Variants in HSPA5 observed in about 807,000 individuals in gnomAD.
The protein encoded by HSPA5 is endoplasmic reticulum chaperone BiP.
Under a neutral mutation model 49.5 loss-of-function variants are expected in HSPA5, and 16 were observed. The observed-to-expected ratio is 0.32, with a 90% CI of 0.22 to 0.49. HSPA5 has a LOEUF of 0.49. HSPA5 is among the 20% of genes least tolerant of loss of function. HSPA5 has a pLI of 0.99. For synonymous variants in HSPA5, 271 were observed against 307.2 expected, an observed-to-expected ratio of 0.88 and a Z score of 1.23; for missense variants, 376 against 819.0, an observed-to-expected ratio of 0.46 and a Z score of 6.60.
At position 125,241,109 on chromosome 9, in the gene HSPA5, C is replaced by T; in HGVS notation, c.18G>A (p.Val6=). 2.5e-6 allele frequency: 4 copies of T among 1,612,542 alleles called. No individual in the cohort carries two copies. The highest frequency in any genetic ancestry group is 3.4e-6 in the Non-Finnish European group (4 of 1,179,508). ...CGCTGAGCAGCAGCAGCATCGCGGC[C>T]ACCAGGGAGAGCTTCATCTTGCCAG... is the stretch of plus-strand genomic sequence containing the variant. The part of the protein sequence containing the change: MKLSL[V]AAMLLLLSAA... The change falls in exon 1 of 8, where the codon GTG becomes GTA. Residue 6 remains valine, a synonymous_variant. Coordinates refer to ENST00000324460, the MANE Select transcript of HSPA5 (RefSeq NM_005347.5).
At chr9:125,237,338 T>A (rs1008414056) in intron 7 of HSPA5, among the ~76,000 whole-genome samples, 184 bp from the exon 8 acceptor site, 2 of 152,356 alleles carry the variant, frequency 1.3e-5, no homozygotes, top group Middle Eastern at 3.4e-3. Context: ...CTAACTCAAC[T>A]GAATTTTATC....
rs1832551151 is a variant in HSPA5, at chr9:125,240,552, G to A, written c.354+124C>T. On this transcript the variant is annotated intron_variant, in intron 2 of 7. Transcript: ENST00000324460. The surrounding 1 kb of genome is among the most constrained non-coding windows in gnomAD (Gnocchi z 4.4). The stretch of plus-strand genomic sequence containing the variant: ...TTTGTAACATACTAATAGTATTAAA[G>A]TTATTACATACATCATGTCTATAAC... 8.7e-6 allele frequency: 7 copies of A among 801,872 alleles called. No homozygotes were observed. In the South Asian group the frequency reaches 1.0e-4, roughly 12 times the overall value. The allele number at this position is 801,872 out of a possible 1,614,324, so 49.7% of individuals were successfully genotyped here.
Position 125,239,284 on chromosome 9 carries a change from T to C in HSPA5, c.653A>G (p.Lys218Arg). 4.3e-6 allele frequency: 7 copies of C among 1,613,986 alleles called. No individual in the cohort carries two copies. The highest frequency in any genetic ancestry group is 5.9e-6 in the Non-Finnish European group (7 of 1,179,880). ...AYGLDKREGE[K>R]NILVFDLGGG... Reference sequence around the variant, plus strand: ...ACCCAGGTCAAACACCAGGATGTTCTTCTCCCCCTCCCTCTTATCCAGGCC... The same window carrying C: ...ACCCAGGTCAAACACCAGGATGTTCCTCTCCCCCTCCCTCTTATCCAGGCC... Residue 218 changes from lysine to arginine, a missense_variant, in exon 5 of 8, where the codon AAG becomes AGG. This residue lies in a region of HSPA5 where 89 missense variants were observed against 200.0 expected (regional missense o/e 0.44). Coordinates refer to ENST00000324460, the MANE Select transcript of HSPA5 (RefSeq NM_005347.5). This position sits in a 1 kb window ranked among gnomAD's most constrained non-coding sequence, Gnocchi z 5.5.
At position 125,235,555 on chromosome 9, in the gene HSPA5, A is replaced by G. The variant is rs539887938; in HGVS notation, c.*1037T>C. The G allele has an allele frequency of 6.6e-6, 1 of 152,132 alleles. No homozygotes were observed. The highest frequency in any genetic ancestry group is 1.9e-4 in the East Asian group (1 of 5,182). The allele number at this position is 152,132 out of a possible 1,614,324, so 9.4% of individuals were successfully genotyped here. On this transcript the variant is annotated 3_prime_UTR_variant, in exon 8 of 8. Transcript: ENST00000324460. ...CTGGACTCTTTTCTTCAGGAACACAATCTAAGTAATCCTAAACCAGTTTTG... is the reference window on the plus strand; with the variant it reads ...CTGGACTCTTTTCTTCAGGAACACAGTCTAAGTAATCCTAAACCAGTTTTG...
At position 125,241,283 on chromosome 9, in the gene HSPA5, C is replaced by G; in HGVS notation, c.-157G>C. Reference sequence around the variant, plus strand: ...CTAGAAATACAGGCCGCGGCGCTTCCCTCTCACACTCGCGAAACACCCCAA... The same window carrying G: ...CTAGAAATACAGGCCGCGGCGCTTCGCTCTCACACTCGCGAAACACCCCAA... On this transcript the variant is annotated 5_prime_UTR_variant, in exon 1 of 8. Transcript: ENST00000324460. The G allele has an allele frequency of 5.0e-6, 4 of 800,152 alleles. No homozygotes were observed. Among genetic ancestry groups the G allele is most frequent in the Non-Finnish European group, 7.8e-6 (4 of 512,758 alleles). 49.6% of individuals were successfully genotyped at this position (800,152 alleles called of 1,614,324 possible).
intron 7 of HSPA5, 58 bp downstream of exon 7, chr9:125,238,083 C>A: frequency 7.1e-7 from 1 of 1,406,182 alleles, no homozygotes; most frequent in South Asian, 1.2e-5. Flanking sequence ...GCCTGGGCAA[C>A]AGAGCAAGAC....
intron 7 of HSPA5, 105 bp from the exon 8 acceptor site, chr9:125,237,259 A>C: frequency 1.2e-6 from 1 of 819,590 alleles, no homozygotes; most frequent in Non-Finnish European, 1.9e-6. Flanking sequence ...TTTTGGTTTT[A>C]TCGAGCTAAA....
chr9:125,241,078 G>A lies in HSPA5; in HGVS notation c.49C>T (p.Arg17Trp). 6.2e-7 allele frequency: 1 copy of A among 1,613,528 alleles called. No individual in the cohort carries two copies. Residue 17 changes from arginine to tryptophan, a missense_variant, in exon 1 of 8, where the codon CGG becomes TGG. Arg to Trp is a moderately radical substitution (Grantham distance 101, BLOSUM62 -3). This residue lies in a region of HSPA5 where 29 missense variants were observed against 38.7 expected (regional missense o/e 0.75). Coordinates refer to ENST00000324460, the MANE Select transcript of HSPA5 (RefSeq NM_005347.5). Reference sequence around the variant, plus strand: ...TCCTTCTTGTCCTCCTCCTCGGCCCGCGCCGCGCTGAGCAGCAGCAGCATC... The same window carrying A: ...TCCTTCTTGTCCTCCTCCTCGGCCCACGCCGCGCTGAGCAGCAGCAGCATC... ...AAMLLLLSAA[R>W]AEEEDKKEDV...
intron 7 of HSPA5, 66 bp from the exon 8 acceptor site, chr9:125,237,220 G>A (rs34456173): frequency 2.1e-4 from 249 of 1,158,480 alleles, no homozygotes; most frequent in Non-Finnish European, 6.5e-5. Flanking sequence ...CTAGATCCCC[G>A]CATTTCAGTC....
Position 125,235,964 on chromosome 9 carries a change from G to A in HSPA5, c.*628C>T, listed in dbSNP as rs1316963322. On this transcript the variant is annotated 3_prime_UTR_variant, in exon 8 of 8. Transcript: ENST00000324460. The stretch of plus-strand genomic sequence containing the variant: ...TGCCCCTTGCCTGAGTAAAGATGTG[G>A]ATTAACTTCTCTCCCCTTTTCTTAG... 6.6e-6 allele frequency: 1 copy of A among 151,908 alleles called. No homozygotes were observed. Among genetic ancestry groups the A allele is most frequent in the Non-Finnish European group, 1.5e-5 (1 of 68,044 alleles). The allele number at this position is 151,908 out of a possible 1,614,324, so 9.4% of individuals were successfully genotyped here. A position where few individuals can be genotyped will look rare whatever the true frequency, so the allele number is the denominator to read the frequency against.
chr9:125,239,372 C>G lies in HSPA5; in HGVS notation c.606-41G>C, dbSNP rs1564207656. The G allele has an allele frequency of 1.2e-6, 2 of 1,613,534 alleles. No homozygotes were observed. Among genetic ancestry groups the G allele is most frequent in the African/African-American group, 1.3e-5 (1 of 74,932 alleles). On this transcript the variant is annotated intron_variant, in intron 4 of 7. Transcript: ENST00000324460. This position sits in a 1 kb window ranked among gnomAD's most constrained non-coding sequence, Gnocchi z 5.5. The stretch of plus-strand genomic sequence containing the variant: ...AGGGAAAAGTTTTGTCAGTACTTCA[C>G]ATTTCCACTATTTGGCAAATATGCC...
At position 125,240,525 on chromosome 9, in the gene HSPA5, G is replaced by T; in HGVS notation, c.354+151C>A. The T allele has an allele frequency of 1.3e-6, 1 of 743,162 alleles. No homozygotes were observed. The highest frequency in any genetic ancestry group is 2.2e-6 in the Non-Finnish European group (1 of 452,560). The allele number at this position is 743,162 out of a possible 1,614,324, so 46.0% of individuals were successfully genotyped here. A position where few individuals can be genotyped will look rare whatever the true frequency, so the allele number is the denominator to read the frequency against. The stretch of plus-strand genomic sequence containing the variant: ...GACAGTACGACAGCAACTGTCTTAA[G>T]TTTTGTAACATACTAATAGTATTAA... On this transcript the variant is annotated intron_variant, in intron 2 of 7. Coordinates refer to ENST00000324460, the MANE Select transcript of HSPA5 (RefSeq NM_005347.5). The surrounding 1 kb of genome is among the most constrained non-coding windows in gnomAD (Gnocchi z 4.4).
rs368658870 is a variant in HSPA5, at chr9:125,238,531, T to C, written c.1234+59A>G. The C allele has an allele frequency of 3.7e-6, 5 of 1,362,808 alleles. No individual in the cohort carries two copies. The African/African-American group carries it at 7.2e-5, about 20-fold the overall frequency. 84.4% of individuals were successfully genotyped at this position (1,362,808 alleles called of 1,614,324 possible). ...TTCTGGTATTTTCTAAAGCAATAGC[T>C]AATGAGTCTTCCATCAAGCTACTGA... is the stretch of plus-strand genomic sequence containing the variant. On this transcript the variant is annotated intron_variant, in intron 6 of 7. Transcript: ENST00000324460.
rs1343466554 is a variant in HSPA5, at chr9:125,240,942, C to A, written c.123-35G>T. The A allele has an allele frequency of 4.3e-6, 7 of 1,612,460 alleles. No homozygotes were observed. Among genetic ancestry groups the A allele is most frequent in the Non-Finnish European group, 5.9e-6 (7 of 1,178,794 alleles). On this transcript the variant is annotated intron_variant, in intron 1 of 7. Transcript: ENST00000324460. The surrounding 1 kb of genome is among the most constrained non-coding windows in gnomAD (Gnocchi z 4.4). ...AAACCCGACAGAGGGACATCAGCAC[C>A]GCACTTCTCACGCCAGGCCAGGCGG...
At position 125,236,970 on chromosome 9, in the gene HSPA5, G is replaced by A. The variant is rs147263674; in HGVS notation, c.1587C>T (p.Asp529=). ...GNKNKITITN[D]QNRLTPEEIE... is the part of the protein sequence containing the mutation. The stretch of plus-strand genomic sequence containing the variant: ...TTTCTTCAGGTGTCAGGCGATTCTG[G>A]TCATTGGTGATTGTGATCTTATTTT... Residue 529 remains aspartate, a synonymous_variant, in exon 8 of 8, where the codon GAC becomes GAT. Coordinates refer to ENST00000324460, the MANE Select transcript of HSPA5 (RefSeq NM_005347.5). 2,756 of 1,613,906 alleles carry A rather than the reference G, an allele frequency of 1.7e-3. 5 individuals are homozygous for A. The highest frequency in any genetic ancestry group is 2.7e-3 in the Admixed American group (164 of 59,986).
At chr9:125,238,403 C>A in intron 6 of HSPA5, 95 bp from the exon 7 acceptor site, 1 of 1,163,174 alleles carries the variant, frequency 8.6e-7, no homozygotes, top group Non-Finnish European at 1.2e-6. Flanking sequence ...CTAACACACA[C>A]ATTTTAAAGG....
In HSPA5 at chr9:125,235,973, C is replaced by A. The variant is rs1040198553; in HGVS notation, c.*619G>T. 1 of 151,818 alleles carries A rather than the reference C, an allele frequency of 6.6e-6. No individual in the cohort carries two copies. Among genetic ancestry groups the A allele is most frequent in the African/African-American group, 2.4e-5 (1 of 41,304 alleles). 9.4% of individuals were successfully genotyped at this position (151,818 alleles called of 1,614,324 possible). On this transcript the variant is annotated 3_prime_UTR_variant, in exon 8 of 8. Coordinates refer to ENST00000324460, the MANE Select transcript of HSPA5 (RefSeq NM_005347.5). The stretch of plus-strand genomic sequence containing the variant: ...CCTGAGTAAAGATGTGGATTAACTT[C>A]TCTCCCCTTTTCTTAGATTAATGCA...
Position 125,240,116 on chromosome 9 carries a change from C to A in HSPA5, c.492+56G>T. The A allele has an allele frequency of 7.0e-7, 1 of 1,435,512 alleles. No homozygotes were observed. The highest frequency in any genetic ancestry group is 9.5e-7 in the Non-Finnish European group (1 of 1,049,234). The allele number at this position is 1,435,512 out of a possible 1,614,324, so 88.9% of individuals were successfully genotyped here. Reference sequence around the variant, plus strand: ...TCACGAAGGCTTCTATACATAACAGCCAACCGAGAATACTAATGATCAAAA... The same window carrying A: ...TCACGAAGGCTTCTATACATAACAGACAACCGAGAATACTAATGATCAAAA... On this transcript the variant is annotated intron_variant, in intron 3 of 7. Coordinates refer to ENST00000324460, the MANE Select transcript of HSPA5 (RefSeq NM_005347.5). This position sits in a 1 kb window ranked among gnomAD's most constrained non-coding sequence, Gnocchi z 4.4.
rs780364974 is a variant in HSPA5 at position 125,236,646 on chromosome 9, A to G, written c.1911T>C (p.Ser637=). ...CTTCACCAGTTGGGGGAGGGCCTGC[A>G]CTTCCATAGAGTTTGCTGATAATTG... ...VQPIISKLYG[S]AGPPPTGEED... is the part of the protein sequence containing the mutation. The change falls in exon 8 of 8, where the codon AGT becomes AGC. Residue 637 remains serine, a synonymous_variant. Coordinates refer to ENST00000324460, the MANE Select transcript of HSPA5 (RefSeq NM_005347.5). 1.9e-6 allele frequency: 3 copies of G among 1,612,468 alleles called. No homozygotes were observed. Among genetic ancestry groups the G allele is most frequent in the East Asian group, 4.5e-5 (2 of 44,884 alleles).
Sources: gnomAD v4.1 joint callset for allele counts (sites outside exome capture counted in the v4.1 genomes callset) on GRCh38, gnomAD v4.1.1 for gene constraint, gnomAD v4.1.1 regional missense constraint, Gnocchi (gnomAD v3.1) non-coding constraint, MANE v1.5 for transcripts, NCBI Gene and HGNC (gene_info 2026-07-23, HGNC 2026-07-21) for gene names.